Variants in HRH1 observed in about 807,000 individuals in gnomAD.
HRH1 encodes histamine receptor H1, also known as histamine H1 receptor.
A neutral mutation model predicts 10.3 loss-of-function variants in HRH1; 6 were observed. The observed-to-expected ratio is 0.58, with a 90% confidence interval of 0.32 to 1.15. HRH1 has a LOEUF of 1.15. Ranked by LOEUF, HRH1 falls within the 50% of genes most tolerant of loss-of-function variation. The probability of loss-of-function intolerance (pLI) is 0.05; values close to 1 mark genes in which losing one functional copy is unlikely to be tolerated. For missense variants in HRH1, 514 were observed against 615.3 expected, an observed-to-expected ratio of 0.84 and a Z score of 1.74; for synonymous variants, 242 against 236.7, an observed-to-expected ratio of 1.02 and a Z score of -0.21.
intron 1 of HRH1, among the ~76,000 whole-genome samples, chr3:11,215,651 C>T (rs1427053474): frequency 6.6e-6 from 1 of 152,184 alleles, no homozygotes; most frequent in South Asian, 2.1e-4. Context: ...CTGTGTTAGC[C>T]AGGATGGTCT....
intron 1 of HRH1, among the ~76,000 whole-genome samples, chr3:11,224,712 A>G (rs1938826527): frequency 6.8e-6 from 1 of 146,012 alleles, no homozygotes; most frequent in African/African-American, 2.5e-5. Flanking sequence ...AAAAAAAAAA[A>G]AAAAGAAATT....
intron 1 of HRH1, among the ~76,000 whole-genome samples, chr3:11,202,404 C>CAATAAATAAATG (rs1553573783): frequency 7.1e-6 from 1 of 140,576 alleles, no homozygotes; most frequent in Non-Finnish European, 1.5e-5. Context: ...GACTCCATCT[C>CAATAAATAAATG]AATAAATAAA....
At chr3:11,144,408 T>TATAG (rs1216866780) in intron 1 of HRH1, among the ~76,000 whole-genome samples, 2 of 150,260 alleles carry the variant, frequency 1.3e-5, no homozygotes, top group African/African-American at 4.9e-5. Context: ...CATATAGACA[T>TATAG]ACATCTATAG....
intron 1 of HRH1, among the ~76,000 whole-genome samples, chr3:11,219,479 C>G (rs1258272578): frequency 1.3e-5 from 2 of 151,688 alleles, no homozygotes; most frequent in African/African-American, 4.8e-5. Context: ...TTTGGGAGGC[C>G]GAGGCGGGCG....
intron 1 of HRH1, among the ~76,000 whole-genome samples, chr3:11,181,307 T>C (rs971012547): frequency 1.3e-5 from 2 of 152,068 alleles, no homozygotes; most frequent in African/African-American, 4.8e-5. Flanking sequence ...TAATAAAATA[T>C]ATATACACAT....
At chr3:11,233,523 C>T (rs1939096828) in intron 1 of HRH1, among the ~76,000 whole-genome samples, 1 of 152,182 alleles carries the variant, frequency 6.6e-6, no homozygotes, top group Non-Finnish European at 1.5e-5. Context: ...GTCCCCACCT[C>T]TCAAGAACAT....
chr3:11,169,091 G>A (rs1318078889), intron 1 of HRH1, among the ~76,000 whole-genome samples: 3 of 152,206 alleles, frequency 2.0e-5, no homozygotes, highest in African/African-American at 7.2e-5. Flanking sequence ...TGGGCTTGAG[G>A]TCTGCAGGAA....
At chr3:11,236,039 C>T (rs1385255561) in intron 1 of HRH1, among the ~76,000 whole-genome samples, 47 of 152,242 alleles carry the variant, frequency 3.1e-4, no homozygotes, top group Admixed American at 3.1e-3. Context: ...GCCTCTCCAC[C>T]TGTCAGAGTC....
intron 1 of HRH1, among the ~76,000 whole-genome samples, chr3:11,217,821 A>G (rs347596): frequency 0.29 from 44,843 of 152,102 alleles, 7,803 homozygotes; most frequent in Non-Finnish European, 0.4. Context: ...AAATGAGACA[A>G]ACAGACATTA....
At chr3:11,176,476 G>A (rs1937251918) in intron 1 of HRH1, among the ~76,000 whole-genome samples, 1 of 152,100 alleles carries the variant, frequency 6.6e-6, no homozygotes, top group Non-Finnish European at 1.5e-5. Context: ...CGTGGGGTGG[G>A]GTGGGGTCTG....
chr3:11,184,399 C>A (rs1023570846), intron 1 of HRH1, among the ~76,000 whole-genome samples: 1 of 152,108 alleles, frequency 6.6e-6, no homozygotes, highest in Non-Finnish European at 1.5e-5. Flanking sequence ...TGAACGCAGG[C>A]GGTCCATCTC....
intron 1 of HRH1, among the ~76,000 whole-genome samples, chr3:11,164,261 T>C (rs1337009505): frequency 6.6e-6 from 1 of 152,028 alleles, no homozygotes; most frequent in African/African-American, 2.4e-5. Flanking sequence ...AGGAAGTAAT[T>C]AAGATGCTCA....
chr3:11,223,339 A>C (rs1439820557), intron 1 of HRH1, among the ~76,000 whole-genome samples: 1 of 34,138 alleles, frequency 2.9e-5, no homozygotes, highest in Non-Finnish European at 4.2e-5. Flanking sequence ...TAAAAATACA[A>C]AAAAAAAAAA....
At chr3:11,144,484 C>CCTATAGAAGTATAG (rs1559249839) in intron 1 of HRH1, among the ~76,000 whole-genome samples, 1 of 21,084 alleles carries the variant, frequency 4.7e-5, no homozygotes, top group Admixed American at 5.4e-4. Context: ...CATATATATA[C>CCTATAGAAGTATAG]ACACACACAC....
chr3:11,180,347 A>G (rs975014483), intron 1 of HRH1, among the ~76,000 whole-genome samples: 1 of 152,110 alleles, frequency 6.6e-6, no homozygotes, highest in African/African-American at 2.4e-5. Flanking sequence ...TGGTTTGAGG[A>G]TGAAACTGTG....
In HRH1 at chr3:11,219,557, A is replaced by G. The variant is rs574080794; in HGVS notation, c.-35-39446A>G. Among the ~76,000 whole-genome samples, 10 of 152,150 alleles carry G rather than the reference A, an allele frequency of 6.6e-5. No homozygotes were observed. In the South Asian group the frequency reaches 2.1e-3, roughly 32 times the overall value. On this transcript the variant is annotated intron_variant, in intron 1 of 1. Transcript: ENST00000431010. ...TGAAACCCCCGTCTCTACTAAAAATACAAAAATTAGCTGGGAATGGTGGTG... is the reference window on the plus strand; with the variant it reads ...TGAAACCCCCGTCTCTACTAAAAATGCAAAAATTAGCTGGGAATGGTGGTG...
chr3:11,234,036 G>A (rs1210964153), intron 1 of HRH1, among the ~76,000 whole-genome samples: 2 of 152,280 alleles, frequency 1.3e-5, no homozygotes, highest in South Asian at 2.1e-4. Context: ...AAAAGTGGCG[G>A]CCACAGGTTT....
At chr3:11,204,010 C>T (rs1938027704) in intron 1 of HRH1, among the ~76,000 whole-genome samples, 1 of 152,200 alleles carries the variant, frequency 6.6e-6, no homozygotes, top group Non-Finnish European at 1.5e-5. Flanking sequence ...ATGCCTGCTT[C>T]TAACTTTTCC....
chr3:11,215,586 G>A (rs1295265903), intron 1 of HRH1, among the ~76,000 whole-genome samples: 3 of 152,096 alleles, frequency 2.0e-5, no homozygotes, highest in South Asian at 2.1e-4. Context: ...GACCACAGGC[G>A]CCTGCCACTA....
Sources: allele counts gnomAD v4.1 joint callset (sites outside exome capture counted in the v4.1 genomes callset), GRCh38; gene constraint gnomAD v4.1.1; transcripts MANE v1.5; gene names NCBI Gene and HGNC (gene_info 2026-07-23, HGNC 2026-07-21).